The following SYK variants were observed in gnomAD, a reference collection of about 807,000 sequenced individuals.
SYK encodes the protein spleen associated tyrosine kinase.
A neutral mutation model predicts 77.8 loss-of-function variants in SYK; 16 were observed. The ratio of observed to expected loss-of-function variants is 0.21; its 90% CI spans 0.14 to 0.31. The LOEUF is 0.31. Among genes scored for constraint, SYK ranks in the 10% least tolerant of loss-of-function variants. The probability of loss-of-function intolerance (pLI) is 1.00; values close to 1 mark genes in which losing one functional copy is unlikely to be tolerated. For synonymous variants in SYK, 312 were observed against 308.7 expected (o/e 1.01, Z -0.11); for missense variants, 529 against 814.4 (o/e 0.65, Z 4.26).
chr9:90,809,291 C>T (rs551949364), intron 1 of SYK, among the ~76,000 whole-genome samples: 16 of 152,158 alleles, frequency 1.1e-4, no homozygotes, highest in South Asian at 2.1e-4. Context: ...TAATTCAACC[C>T]GATTAGAAAC....
In SYK at chr9:90,878,959, T is replaced by C; in HGVS notation, c.1581+6T>C. The C allele has an allele frequency of 6.3e-7, 1 of 1,593,078 alleles. No homozygotes were observed. The highest frequency in any genetic ancestry group is 2.2e-5 in the East Asian group (1 of 44,460). ...CTGATGAAAACTACTACAAGGTAAG[T>C]ACAACTTAGCTAATATTCAGAGCAG... On this transcript the variant is annotated splice_donor_region_variant and intron_variant, in intron 11 of 13. Coordinates refer to ENST00000375754, the MANE Select transcript of SYK (RefSeq NM_003177.7).
rs1216815320 is a variant in SYK at position 90,881,486 on chromosome 9, C to T, written c.1581+2533C>T. 2.6e-5 allele frequency among the ~76,000 whole-genome samples: 4 copies of T among 152,048 alleles called. 1 individual carries two copies. Among genetic ancestry groups the T allele is most frequent in the South Asian group, 4.2e-4 (2 of 4,808 alleles). On this transcript the variant is annotated intron_variant, in intron 11 of 13. Transcript: ENST00000375754. ...CCTGAGGTCAGGAGTTCGAGACCAG[C>T]CTGGCCAACATGGTGAAATCCCGTC... is the stretch of plus-strand genomic sequence containing the variant.
intron 3 of SYK, among the ~76,000 whole-genome samples, chr9:90,857,862 T>G (rs933493725): frequency 6.6e-6 from 1 of 151,766 alleles, no homozygotes; most frequent in Non-Finnish European, 1.5e-5. Flanking sequence ...GCACATCTAA[T>G]GCACACAGCC....
intron 3 of SYK, among the ~76,000 whole-genome samples, chr9:90,854,750 A>T (rs894216018): frequency 7.9e-5 from 12 of 151,878 alleles, no homozygotes; most frequent in African/African-American, 2.7e-4. Context: ...CTGAATCCCC[A>T]TGTGGCTTGT....
chr9:90,862,134 G>C (rs763877778), intron 3 of SYK, 72 bp from the exon 4 acceptor site: 12 of 1,510,076 alleles, frequency 7.9e-6, no homozygotes, highest in South Asian at 1.3e-5. Flanking sequence ...TTCAGGCCAG[G>C]GTGCTTCCTC....
At chr9:90,888,210 A>G (rs1210496260) in intron 12 of SYK, among the ~76,000 whole-genome samples, 9 of 152,194 alleles carry the variant, frequency 5.9e-5, no homozygotes, top group Non-Finnish European at 1.0e-4. Context: ...ATTAAAACAT[A>G]TATACCAAAA....
chr9:90,863,667 C>T (rs1035350912), intron 4 of SYK, among the ~76,000 whole-genome samples: 1 of 152,150 alleles, frequency 6.6e-6, no homozygotes, highest in Non-Finnish European at 1.5e-5. Flanking sequence ...GAGTATTTAA[C>T]CTTTCTACAC....
intron 1 of SYK, among the ~76,000 whole-genome samples, chr9:90,815,123 T>G (rs1825243094): frequency 6.6e-6 from 1 of 152,110 alleles, no homozygotes; most frequent in Non-Finnish European, 1.5e-5. Context: ...ATAGTTTCCT[T>G]GAAACATTTG....
At chr9:90,853,700 A>G (rs559264475) in intron 3 of SYK, among the ~76,000 whole-genome samples, 1 of 152,100 alleles carries the variant, frequency 6.6e-6, no homozygotes, top group Non-Finnish European at 1.5e-5. Flanking sequence ...GAAGGGGAAC[A>G]TCACACTCTG....
At chr9:90,864,159 G>A (rs559471741) in intron 4 of SYK, among the ~76,000 whole-genome samples, 1 of 152,284 alleles carries the variant, frequency 6.6e-6, no homozygotes, top group African/African-American at 2.4e-5. Flanking sequence ...GTTGGTGATT[G>A]CCATAATACC....
intron 1 of SYK, among the ~76,000 whole-genome samples, chr9:90,818,272 CAG>C (rs1485110783): frequency 6.6e-6 from 1 of 152,220 alleles, no homozygotes; most frequent in Admixed American, 6.5e-5. Flanking sequence ...GTTTATCTTA[CAG>C]AGTGACTTAG....
At chr9:90,821,176 T>C (rs1380521239) in intron 1 of SYK, among the ~76,000 whole-genome samples, 4 of 152,220 alleles carry the variant, frequency 2.6e-5, no homozygotes, top group African/African-American at 9.6e-5. Flanking sequence ...GTTCCAAACT[T>C]TCCCACATTT....
At chr9:90,820,430 A>T (rs1017935263) in intron 1 of SYK, among the ~76,000 whole-genome samples, 9 of 152,240 alleles carry the variant, frequency 5.9e-5, no homozygotes, top group African/African-American at 1.9e-4. Flanking sequence ...TCTGAAGTCT[A>T]GGCAGAGGTT....
chr9:90,866,979 T>C, intron 6 of SYK, 152 bp from the exon 7 acceptor site: 1 of 701,746 alleles, frequency 1.4e-6, no homozygotes, highest in Non-Finnish European at 2.5e-6. Flanking sequence ...TTCCCAATGA[T>C]CAGGTGTTGC....
intron 1 of SYK, among the ~76,000 whole-genome samples, chr9:90,803,794 T>G (rs1305759744): frequency 1.3e-5 from 2 of 152,202 alleles, no homozygotes; most frequent in Non-Finnish European, 2.9e-5. Flanking sequence ...AGAAAGACAT[T>G]GCTCAGAATT....
intron 6 of SYK, among the ~76,000 whole-genome samples, chr9:90,866,472 C>A (rs982949042): frequency 6.6e-6 from 1 of 152,136 alleles, no homozygotes; most frequent in Non-Finnish European, 1.5e-5. Flanking sequence ...GGAAGTGTGA[C>A]TTTATTTTGC....
At chr9:90,850,332 A>G (rs140796157) in intron 3 of SYK, among the ~76,000 whole-genome samples, 3,786 of 152,220 alleles carry the variant, frequency 0.025, 160 homozygotes, top group East Asian at 0.22. Context: ...CCTGGCCAAC[A>G]TGGTGAAACC....
chr9:90,802,117 C>T (rs539061092), intron 1 of SYK: 2 of 152,424 alleles, frequency 1.3e-5, no homozygotes, highest in Non-Finnish European at 2.9e-5. Flanking sequence ...GGGGCTCAGG[C>T]CTGGGCGGAG....
At chr9:90,832,490 C>T (rs1200403822) in intron 1 of SYK, among the ~76,000 whole-genome samples, 3 of 152,182 alleles carry the variant, frequency 2.0e-5, no homozygotes, top group Admixed American at 6.5e-5. Flanking sequence ...TACAGGTAAA[C>T]GTGGACATGA....
Sources: allele counts gnomAD v4.1 joint callset (sites outside exome capture counted in the v4.1 genomes callset), GRCh38; gene constraint gnomAD v4.1.1; transcripts MANE v1.5; gene names NCBI Gene and HGNC (gene_info 2026-07-23, HGNC 2026-07-21).